The following KCNU1 variants were observed in gnomAD, a reference collection of about 807,000 sequenced individuals.
The protein encoded by KCNU1 is potassium channel subfamily U member 1.
A neutral mutation model predicts 126.8 loss-of-function variants in KCNU1; 93 were observed. That is an observed-to-expected ratio of 0.73 (90% CI 0.62 to 0.87). KCNU1 has a LOEUF of 0.87. KCNU1 is among the 40% of genes least tolerant of loss of function. The pLI is 0.00. For synonymous variants in KCNU1, 523 were observed against 494.2 expected, an observed-to-expected ratio of 1.06 and a Z score of -0.77; for missense variants, 1,330 against 1,367.1, an observed-to-expected ratio of 0.97 and a Z score of 0.43.
At chr8:36,802,412 G>A (rs1002336151) in intron 2 of KCNU1, among the ~76,000 whole-genome samples, 34 of 152,164 alleles carry the variant, frequency 2.2e-4, no homozygotes, top group African/African-American at 8.0e-4. Context: ...TGGCTACTTT[G>A]TGGCTCATTG....
Position 36,926,063 on chromosome 8 carries a change from A to G in KCNU1, c.2736+3434A>G, listed in dbSNP as rs568777696. On this transcript the variant is annotated intron_variant, in intron 24 of 26. Coordinates refer to ENST00000399881, the MANE Select transcript of KCNU1 (RefSeq NM_001031836.3). The stretch of plus-strand genomic sequence containing the variant: ...TCTTGTTGAGATAATATCAAGAATC[A>G]TAGCTATTGATCTTAAGAAGAGTAA... Among the ~76,000 whole-genome samples the G allele has an allele frequency of 6.6e-5, 10 of 152,288 alleles. No individual in the cohort carries two copies. In the South Asian group the frequency reaches 2.1e-3, roughly 32 times the overall value.
intron 25 of KCNU1, 141 bp from the exon 26 acceptor site, chr8:36,932,779 C>G (rs1466191956): frequency 3.2e-6 from 2 of 615,520 alleles, no homozygotes; most frequent in African/African-American, 3.7e-5. Flanking sequence ...ACCTATCGCC[C>G]TGGCAGTGCC....
Position 36,905,963 on chromosome 8 carries a change from T to C in KCNU1, c.2106+159T>C, listed in dbSNP as rs546911668. Among the ~76,000 whole-genome samples the C allele has an allele frequency of 2.0e-5, 3 of 152,266 alleles. No individual in the cohort carries two copies. In the South Asian group the frequency reaches 6.2e-4, roughly 32 times the overall value. On this transcript the variant is annotated intron_variant, in intron 20 of 26. Coordinates refer to ENST00000399881, the MANE Select transcript of KCNU1 (RefSeq NM_001031836.3). ...CATCCCTCACCAGCCATAAGAATAATATGCAAAGTAACACATGAGGCATTT... is the reference window on the plus strand; with the variant it reads ...CATCCCTCACCAGCCATAAGAATAACATGCAAAGTAACACATGAGGCATTT...
rs376356033 is a variant in KCNU1 at position 36,806,401 on chromosome 8, G to A, written c.580+21G>A. On this transcript the variant is annotated intron_variant, in intron 5 of 26. Coordinates refer to ENST00000399881, the MANE Select transcript of KCNU1 (RefSeq NM_001031836.3). Reference sequence around the variant, plus strand: ...GCTAGGTAAGTGTGCTCTGGGAACGGGTAGCAATATCTATGAATAAAATAA... The same window carrying A: ...GCTAGGTAAGTGTGCTCTGGGAACGAGTAGCAATATCTATGAATAAAATAA... 163 of 1,232,896 alleles carry A rather than the reference G, an allele frequency of 1.3e-4. No homozygotes were observed. In the African/African-American group the frequency reaches 2.2e-3, roughly 17 times the overall value. The allele number at this position is 1,232,896 out of a possible 1,614,324, so 76.4% of individuals were successfully genotyped here.
intron 14 of KCNU1, 80 bp downstream of exon 14, chr8:36,837,025 G>A: frequency 1.4e-6 from 2 of 1,409,854 alleles, no homozygotes; most frequent in South Asian, 1.2e-5. Context: ...AAAAAAATTT[G>A]AGAAAAGCAT....
intron 19 of KCNU1, among the ~76,000 whole-genome samples, chr8:36,889,557 A>T (rs1248910766): frequency 6.6e-6 from 1 of 152,192 alleles, no homozygotes; most frequent in African/African-American, 2.4e-5. Context: ...TTGAGGATAC[A>T]TCTTCAGAAA....
chr8:36,798,811 C>T lies in KCNU1; in HGVS notation c.316-5216C>T, dbSNP rs559987947. On this transcript the variant is annotated intron_variant, in intron 2 of 26. Transcript: ENST00000399881. ...AATGTATTTGATTGCTGTCTCATGC[C>T]TCCCTAAAATGTGTAAAACCAAGCT... 2.6e-5 allele frequency among the ~76,000 whole-genome samples: 4 copies of T among 152,226 alleles called. No individual in the cohort carries two copies. The East Asian group carries it at 7.7e-4, about 29-fold the overall frequency.
chr8:36,896,829 TAATC>T lies in KCNU1; in HGVS notation c.2010-8876_2010-8873del, dbSNP rs532590697. 6.6e-5 allele frequency among the ~76,000 whole-genome samples: 10 copies of T among 152,160 alleles called. No homozygotes were observed. In the East Asian group the frequency reaches 1.4e-3, roughly 21 times the overall value. On this transcript the variant is annotated intron_variant, in intron 19 of 26. Coordinates refer to ENST00000399881, the MANE Select transcript of KCNU1 (RefSeq NM_001031836.3). ...TAGGAAAACATTTCTTCTTGCAAAA[TAATC>T]AAGAAACTGATCACCAGGAAGTGAG... is the stretch of plus-strand genomic sequence containing the variant.
chr8:36,887,453 T>G (rs866684787), intron 19 of KCNU1, among the ~76,000 whole-genome samples: 762 of 120,760 alleles, frequency 6.3e-3, no homozygotes, highest in African/African-American at 0.021. Context: ...TTTTTTTTTG[T>G]TTTTTTTTTT....
At chr8:36,875,855 G>C (rs1806261608) in intron 19 of KCNU1, among the ~76,000 whole-genome samples, 1 of 152,116 alleles carries the variant, frequency 6.6e-6, no homozygotes, top group South Asian at 2.1e-4. Context: ...AATATCCAGA[G>C]ACCTTCTTTC....
chr8:36,888,511 T>C, intron 19 of KCNU1: 1 of 528,568 alleles, frequency 1.9e-6, no homozygotes, highest in Non-Finnish European at 3.9e-6. Flanking sequence ...TCAGCCACAA[T>C]GAGATGTTCT....
At chr8:36,928,939 A>G (rs770794533) in intron 24 of KCNU1, 2 of 683,654 alleles carry the variant, frequency 2.9e-6, no homozygotes, top group East Asian at 2.7e-5. Flanking sequence ...ACACTCATTA[A>G]TATCACTTCA....
chr8:36,922,766 T>C (rs908050384), intron 24 of KCNU1, 137 bp downstream of exon 24: 1 of 887,636 alleles, frequency 1.1e-6, no homozygotes, highest in Non-Finnish European at 1.7e-6. Flanking sequence ...CTTGTTCCCA[T>C]ACATTAATTT....
intron 19 of KCNU1, among the ~76,000 whole-genome samples, chr8:36,881,796 TCACACACACACACACA>T (rs10522369): frequency 4.6e-4 from 64 of 138,930 alleles, no homozygotes; most frequent in African/African-American, 1.6e-3. Flanking sequence ...AAAAGTCAAA[TCACACACACACACACA>T]CACACACACA....
chr8:36,913,659 T>A (rs1807978330), intron 22 of KCNU1, among the ~76,000 whole-genome samples: 1 of 148,958 alleles, frequency 6.7e-6, no homozygotes, highest in African/African-American at 2.5e-5. Flanking sequence ...TGGAGTGCGG[T>A]GGTGCGATCT....
chr8:36,871,712 C>T (rs891299453), intron 19 of KCNU1, among the ~76,000 whole-genome samples: 3 of 152,010 alleles, frequency 2.0e-5, no homozygotes, highest in Admixed American at 1.3e-4. Context: ...CCTGGAATTA[C>T]GGGTATGGAA....
intron 19 of KCNU1, among the ~76,000 whole-genome samples, chr8:36,873,828 T>G (rs1806188496): frequency 6.6e-6 from 1 of 152,226 alleles, no homozygotes; most frequent in Admixed American, 6.5e-5. Context: ...TTGGTAAACA[T>G]GCTGGAAGAT....
At position 36,864,460 on chromosome 8, in the gene KCNU1, G is replaced by A. The variant is rs547018840; in HGVS notation, c.1948G>A (p.Gly650Arg). 175 of 1,613,254 alleles carry A rather than the reference G, an allele frequency of 1.1e-4. 4 individuals carry two copies. The South Asian group carries it at 1.7e-3, about 15-fold the overall frequency. ...GAAGGGAATCTCCTCTCGTATATCA[G>A]GGCAGGATTCTCCGCCAAGGGTATC... ...CLKGISSRIS[G>R]QDSPPRVSAS... Residue 650 changes from glycine to arginine, a missense_variant, in exon 19 of 27, where the codon GGG becomes AGG. By Grantham distance (125) the Gly-to-Arg change is moderately radical (BLOSUM62 -2). Transcript: ENST00000399881.
At chr8:36,817,066 T>C (rs1181944362) in intron 9 of KCNU1, among the ~76,000 whole-genome samples, 1 of 152,206 alleles carries the variant, frequency 6.6e-6, no homozygotes, top group Non-Finnish European at 1.5e-5. Flanking sequence ...ATAGTAATAG[T>C]TGCTCTTGTA....
Sources: allele counts gnomAD v4.1 joint callset (sites outside exome capture counted in the v4.1 genomes callset), GRCh38; gene constraint gnomAD v4.1.1; transcripts MANE v1.5; gene names NCBI Gene and HGNC (gene_info 2026-07-23, HGNC 2026-07-21).